The following LRRN4 variants were observed in gnomAD, a reference collection of about 807,000 sequenced individuals.
LRRN4 encodes the protein leucine rich repeat neuronal 4.
In LRRN4, 26 loss-of-function variants were observed where a neutral mutation model predicts 22.3. That is an observed-to-expected ratio of 1.16 (90% CI 0.85 to 1.62). The LOEUF is 1.62. Ranked by LOEUF, LRRN4 falls within the 40% of genes most tolerant of loss-of-function variation. The pLI, the probability that LRRN4 is intolerant of heterozygous loss-of-function variation, is 0.00. For missense variants in LRRN4, 1,070 were observed against 1,008.5 expected (o/e 1.06, Z -0.83); for synonymous variants, 496 against 486.2 (o/e 1.02, Z -0.26).
At position 6,052,652 on chromosome 20, in the gene LRRN4, C is replaced by A; in HGVS notation, c.148G>T (p.Gly50Trp). The A allele has an allele frequency of 6.3e-7, 1 of 1,583,984 alleles. No individual in the cohort carries two copies. Among genetic ancestry groups the A allele is most frequent in the East Asian group, 2.3e-5 (1 of 44,078 alleles). Residue 50 changes from glycine to tryptophan, a missense_variant, in exon 2 of 5, where the codon GGG (glycine) becomes TGG (tryptophan). Physicochemically the swap from Gly to Trp is radical, Grantham distance 184. Transcript: ENST00000378858. The stretch of plus-strand genomic sequence containing the variant: ...GCCGTCGCATCCGCGGCGGGCAGCC[C>A]CTCGCAGGGCGAGTCGGTGGCGTTG... ...GSNATDSPCEGLPAADATALT... is the reference protein window; with the variant it reads ...GSNATDSPCEWLPAADATALT...
chr20:6,041,367 C>A lies in LRRN4; in HGVS notation c.1878G>T (p.Val626=). The A allele has an allele frequency of 1.9e-6, 3 of 1,591,246 alleles. No homozygotes were observed. The highest frequency in any genetic ancestry group is 2.6e-6 in the Non-Finnish European group (3 of 1,170,678). The change falls in exon 5 of 5, where the codon GTG becomes GTT. Residue 626 remains valine (V), a synonymous_variant. Coordinates refer to ENST00000378858, the MANE Select transcript of LRRN4 (RefSeq NM_152611.5). This position sits in a 1 kb window ranked among gnomAD's most constrained non-coding sequence, Gnocchi z 9.4. The stretch of plus-strand genomic sequence containing the variant: ...GCCGGGCCGTGGCGTAGATGACCCC[C>A]ACCACCGACTGGTTCCCCGCCCAGC... ...AEGWAGNQSV[V]GVIYATARQH...
intron 3 of LRRN4, among the ~76,000 whole-genome samples, chr20:6,047,444 A>T (rs1467066489): frequency 3.4e-5 from 5 of 149,214 alleles, no homozygotes; most frequent in East Asian, 2.0e-4. Context: ...ACACACACAC[A>T]CACACACACA....
Position 6,044,627 on chromosome 20 carries a change from G to A in LRRN4, c.914C>T (p.Ser305Leu), listed in dbSNP as rs780408551. 73 of 1,596,940 alleles carry A rather than the reference G, an allele frequency of 4.6e-5. No homozygotes were observed. The highest frequency in any genetic ancestry group is 4.5e-4 in the East Asian group (20 of 44,172). ...PWTLDSSQVL[S>L]INLFGNPLTC... ...GAGGGGGTTGCCAAAGAGGTTGATC[G>A]ATAGGACCTGGGAGGAATCCAGGGT... Residue 305 changes from serine (S) to leucine (L), a missense_variant, in exon 4 of 5, where the codon TCG becomes TTG. By Grantham distance (145) the Ser-to-Leu change is moderately radical (BLOSUM62 -2). Coordinates refer to ENST00000378858, the MANE Select transcript of LRRN4 (RefSeq NM_152611.5).
rs1239445171 is a variant in LRRN4 at position 6,052,182 on chromosome 20, G to C, written c.618C>G (p.Leu206=). 3 of 1,598,690 alleles carry C rather than the reference G, an allele frequency of 1.9e-6. No homozygotes were observed. Among genetic ancestry groups the C allele is most frequent in the Admixed American group, 1.7e-5 (1 of 58,688 alleles). Reference sequence around the variant, plus strand: ...ACGTGCCGCTGAGATCCAGGACTTCGAGCGTGACCAGGGGCGCGCCATCCT... The same window carrying C: ...ACGTGCCGCTGAGATCCAGGACTTCCAGCGTGACCAGGGGCGCGCCATCCT... ...AGEDGAPLVT[L]EVLDLSGTFL... The change falls in exon 2 of 5, where the codon CTC becomes CTG. Residue 206 remains leucine (L), a synonymous_variant. Coordinates refer to ENST00000378858, the MANE Select transcript of LRRN4 (RefSeq NM_152611.5).
intron 3 of LRRN4, 112 bp downstream of exon 3, chr20:6,050,667 T>G: frequency 9.4e-7 from 1 of 1,061,502 alleles, no homozygotes; most frequent in Non-Finnish European, 1.4e-6. Context: ...CCAGAGAGGA[T>G]TTGGAAGAGT....
intron 3 of LRRN4, among the ~76,000 whole-genome samples, chr20:6,046,203 T>C (rs1369563799): frequency 1.3e-5 from 2 of 148,542 alleles, no homozygotes; most frequent in African/African-American, 4.9e-5. Flanking sequence ...TCCCAGCTAC[T>C]TGGGAGGCTG....
chr20:6,041,341 T>G lies in LRRN4; in HGVS notation c.1904A>C (p.Gln635Pro). The G allele has an allele frequency of 6.3e-7, 1 of 1,597,516 alleles. No homozygotes were observed. The highest frequency in any genetic ancestry group is 8.5e-7 in the Non-Finnish European group (1 of 1,175,344). ...VVGVIYATAR[Q>P]HPLYGLSPGT... The stretch of plus-strand genomic sequence containing the variant: ...CGGCGACAGCCCGTACAGAGGGTGC[T>G]GCCGGGCCGTGGCGTAGATGACCCC... Residue 635 changes from glutamine (Q) to proline (P), a missense_variant, in exon 5 of 5, where the codon CAG becomes CCG. Transcript: ENST00000378858. This position sits in a 1 kb window ranked among gnomAD's most constrained non-coding sequence, Gnocchi z 9.4.
In LRRN4 at chr20:6,052,672, G is replaced by T; in HGVS notation, c.128C>A (p.Ala43Asp). Residue 43 changes from alanine (A) to aspartate (D), a missense_variant, in exon 2 of 5, where the codon GCC becomes GAC. By Grantham distance (126) the Ala-to-Asp change is moderately radical (BLOSUM62 -2). Coordinates refer to ENST00000378858, the MANE Select transcript of LRRN4 (RefSeq NM_152611.5). Reference protein sequence around the residue: ...QGPWGSSGSNATDSPCEGLPA... With the variant: ...QGPWGSSGSNDTDSPCEGLPA... ...CAGCCCCTCGCAGGGCGAGTCGGTG[G>T]CGTTGCTGCCACTGCTCCCCCAGGG... 2 of 1,578,634 alleles carry T rather than the reference G, an allele frequency of 1.3e-6. No individual in the cohort carries two copies. The highest frequency in any genetic ancestry group is 1.7e-6 in the Non-Finnish European group (2 of 1,170,214).
chr20:6,041,424 C>A lies in LRRN4; in HGVS notation c.1821G>T (p.Val607=). 6.4e-7 allele frequency: 1 copy of A among 1,558,454 alleles called. No homozygotes were observed. Among genetic ancestry groups the A allele is most frequent in the Non-Finnish European group, 8.7e-7 (1 of 1,151,100 alleles). Residue 607 remains valine, a synonymous_variant, in exon 5 of 5, where the codon GTG becomes GTT. Coordinates refer to ENST00000378858, the MANE Select transcript of LRRN4 (RefSeq NM_152611.5). This position sits in a 1 kb window ranked among gnomAD's most constrained non-coding sequence, Gnocchi z 9.4. ...CAGAGTAGCGGATCTGGTACCCATG[C>A]ACTACCGAGTTGGGGGCACACCAGT... is the stretch of plus-strand genomic sequence containing the variant. The part of the protein sequence containing the change: ...LVHWCAPNSV[V]HGYQIRYSAE...
chr20:6,049,741 G>A (rs971191736), intron 3 of LRRN4, among the ~76,000 whole-genome samples: 1 of 152,048 alleles, frequency 6.6e-6, no homozygotes, highest in African/African-American at 2.4e-5. Flanking sequence ...GACCTCAGGT[G>A]ATCCACCCAC....
Position 6,041,300 on chromosome 20 carries a change from C to G in LRRN4, c.1945G>C (p.Val649Leu), listed in dbSNP as rs761086841. Residue 649 changes from valine to leucine, a missense_variant, in exon 5 of 5, where the codon GTG (valine) becomes CTG (leucine). Transcript: ENST00000378858. This position sits in a 1 kb window ranked among gnomAD's most constrained non-coding sequence, Gnocchi z 9.4. ...YGLSPGTTYRVCVLAANRAGL... is the reference protein window; with the variant it reads ...YGLSPGTTYRLCVLAANRAGL... ...GCCCTGTTGGCCGCCAGCACGCACA[C>G]GCGGTAGGTGGTGCCCGGCGACAGC... The G allele has an allele frequency of 6.3e-7, 1 of 1,595,792 alleles. No individual in the cohort carries two copies. The highest frequency in any genetic ancestry group is 8.5e-7 in the Non-Finnish European group (1 of 1,174,956).
At chr20:6,044,514 C>T (rs1981056560) in intron 4 of LRRN4, 29 bp downstream of exon 4, 4 of 1,464,242 alleles carry the variant, frequency 2.7e-6, no homozygotes, top group Non-Finnish European at 3.6e-6. Context: ...ACCCTCTGCC[C>T]TCAGCCATCT....
Position 6,052,375 on chromosome 20 carries a change from C to T in LRRN4, c.425G>A (p.Gly142Glu), listed in dbSNP as rs542906166. 1.4e-4 allele frequency: 219 copies of T among 1,521,004 alleles called. 1 individual carries two copies. The African/African-American group carries it at 2.4e-3, about 17-fold the overall frequency. 94.2% of individuals were successfully genotyped at this position (1,521,004 alleles called of 1,614,324 possible). A position where few individuals can be genotyped will look rare whatever the true frequency, so the allele number is the denominator to read the frequency against. ...NQLAALPPCT[G>E]PALSSLRALA... is the part of the protein sequence containing the mutation. Reference sequence around the variant, plus strand: ...GGCGCGGAGGCTGCTCAGCGCGGGCCCGGTGCACGGCGGCAGAGCGGCCAG... The same window carrying T: ...GGCGCGGAGGCTGCTCAGCGCGGGCTCGGTGCACGGCGGCAGAGCGGCCAG... The change falls in exon 2 of 5, where the codon GGG becomes GAG. Residue 142 changes from glycine (G) to glutamate (E), a missense_variant. Transcript: ENST00000378858.
chr20:6,052,120 GA>G, intron 2 of LRRN4, 24 bp downstream of exon 2: 1 of 1,571,646 alleles, frequency 6.4e-7, no homozygotes, highest in Admixed American at 1.8e-5. Context: ...CAGGCCGGCT[GA>G]AAACGCGGGG....
Position 6,052,158 on chromosome 20 carries a change from C to A in LRRN4, c.642G>T (p.Thr214=). ...GCCCGGACTCACCCCGTTCAAGGAA[C>A]GTGCCGCTGAGATCCAGGACTTCGA... is the stretch of plus-strand genomic sequence containing the variant. ...VTLEVLDLSG[T]FLERVESGWI... Residue 214 remains threonine (T), a synonymous_variant, in exon 2 of 5, where the codon ACG becomes ACT. Transcript: ENST00000378858. 6.3e-7 allele frequency: 1 copy of A among 1,597,358 alleles called. No homozygotes were observed. The highest frequency in any genetic ancestry group is 8.5e-7 in the Non-Finnish European group (1 of 1,173,010).
Position 6,041,571 on chromosome 20 carries a change from C to A in LRRN4, c.1674G>T (p.Pro558=). 6.4e-7 allele frequency: 1 copy of A among 1,558,418 alleles called. No individual in the cohort carries two copies. ...GCCACCGCCTCTGCAGCTCCGCGCACGGGGTCTGCAGGTGCTTGCAGGGAT... is the reference window on the plus strand; with the variant it reads ...GCCACCGCCTCTGCAGCTCCGCGCAAGGGGTCTGCAGGTGCTTGCAGGGAT... ...DYHPCKHLQT[P]CAELQRRWRC... Residue 558 remains proline (P), a synonymous_variant, in exon 5 of 5, where the codon CCG becomes CCT. Transcript: ENST00000378858. The surrounding 1 kb of genome is among the most constrained non-coding windows in gnomAD (Gnocchi z 9.4).
At position 6,052,340 on chromosome 20, in the gene LRRN4, C is replaced by G; in HGVS notation, c.460G>C (p.Ala154Pro). ...TGCAGCGCCCGCAGCGGATTCCCGG[C>G]GAGCGCCAGGGCGCGGAGGCTGCTC... Reference protein sequence around the residue: ...ALSSLRALALAGNPLRALQPR... With the variant: ...ALSSLRALALPGNPLRALQPR... The change falls in exon 2 of 5, where the codon GCC becomes CCC. Residue 154 changes from alanine to proline, a missense_variant. Physicochemically the swap from Ala to Pro is conservative, Grantham distance 27 (BLOSUM62 -1). Coordinates refer to ENST00000378858, the MANE Select transcript of LRRN4 (RefSeq NM_152611.5). 1 of 1,507,368 alleles carries G rather than the reference C, an allele frequency of 6.6e-7. No individual in the cohort carries two copies. Among genetic ancestry groups the G allele is most frequent in the Non-Finnish European group, 8.8e-7 (1 of 1,136,392 alleles). 93.4% of individuals were successfully genotyped at this position (1,507,368 alleles called of 1,614,324 possible).
chr20:6,041,248 C>G lies in LRRN4; in HGVS notation c.1997G>C (p.Gly666Ala), dbSNP rs1600401961. The G allele has an allele frequency of 6.3e-7, 1 of 1,583,818 alleles. No individual in the cohort carries two copies. The highest frequency in any genetic ancestry group is 2.3e-5 in the East Asian group (1 of 44,188). The stretch of plus-strand genomic sequence containing the variant: ...GAAGGCGGCGCACGGGCTCCTCCAG[C>G]CCGAAGACCGTGGCTGGCTCAAGCC... ...RAGLSQPRSS[G>A]WRSPCAAFTT... Residue 666 changes from glycine to alanine, a missense_variant, in exon 5 of 5, where the codon GGC becomes GCC. Physicochemically the swap from Gly to Ala is moderately conservative, Grantham distance 60 (BLOSUM62 0). Coordinates refer to ENST00000378858, the MANE Select transcript of LRRN4 (RefSeq NM_152611.5). The surrounding 1 kb of genome is among the most constrained non-coding windows in gnomAD (Gnocchi z 9.4).
Position 6,050,830 on chromosome 20 carries a change from G to T in LRRN4, c.809C>A (p.Ala270Asp), listed in dbSNP as rs772728026. 1 of 1,613,686 alleles carries T rather than the reference G, an allele frequency of 6.2e-7. No homozygotes were observed. Among genetic ancestry groups the T allele is most frequent in the African/African-American group, 1.3e-5 (1 of 74,898 alleles). ...TGGAGTATCTTGAAAGATGTGTGTGGCGACAGAAGCAAGTGCTGGGGAGTC... is the reference window on the plus strand; with the variant it reads ...TGGAGTATCTTGAAAGATGTGTGTGTCGACAGAAGCAAGTGCTGGGGAGTC... ...CQDSPALASV[A>D]THIFQDTPHL... Residue 270 changes from alanine to aspartate, a missense_variant, in exon 3 of 5, where the codon GCC (alanine) becomes GAC (aspartate). Transcript: ENST00000378858.
Sources: allele counts gnomAD v4.1 joint callset (sites outside exome capture counted in the v4.1 genomes callset), GRCh38; gene constraint gnomAD v4.1.1; non-coding constraint Gnocchi (gnomAD v3.1); transcripts MANE v1.5; gene names NCBI Gene and HGNC (gene_info 2026-07-23, HGNC 2026-07-21).